The following VWA5A variants were observed in gnomAD, a reference collection of about 807,000 sequenced individuals.
VWA5A encodes von Willebrand factor A domain containing 5A, also known as von Willebrand factor A domain-containing protein 5A.
A neutral mutation model predicts 84.6 loss-of-function variants in VWA5A; 77 were observed. The observed-to-expected ratio is 0.91, with a 90% CI of 0.76 to 1.10. The LOEUF (loss-of-function observed/expected upper bound fraction) is 1.10. Ranked by LOEUF, VWA5A falls within the 50% of genes least tolerant of loss-of-function variation. The pLI is 0.00. For missense variants in VWA5A, 973 were observed against 963.0 expected (o/e 1.01, Z -0.14); for synonymous variants, 334 against 350.1 (o/e 0.95, Z 0.51).
At chr11:124,116,743 G>A (rs1864836920) in intron 2 of VWA5A, 63 bp downstream of exon 2, 1 of 152,188 alleles carries the variant, frequency 6.6e-6, no homozygotes, top group South Asian at 2.1e-4. Flanking sequence ...GATATGGAAT[G>A]AAAAGCCTGA....
At chr11:124,130,369 G>T (rs1417703027) in intron 11 of VWA5A, among the ~76,000 whole-genome samples, 3 of 152,012 alleles carry the variant, frequency 2.0e-5, no homozygotes, top group African/African-American at 7.2e-5. Flanking sequence ...CCATTATTTT[G>T]CATTTGCTGA....
At chr11:124,118,734 T>G in intron 6 of VWA5A, 26 bp downstream of exon 6, 1 of 1,600,764 alleles carries the variant, frequency 6.2e-7, no homozygotes, top group African/African-American at 1.3e-5. Flanking sequence ...ATACTGCTAT[T>G]GTCAGTACCT....
At position 124,137,112 on chromosome 11, in the gene VWA5A, C is replaced by T. The variant is rs1194755436; in HGVS notation, c.1723C>T (p.Leu575Phe). ...AAGTGATAAAAAAGATGCATTGAAC[C>T]TTAGCCTTGAGTCTGGTGTCATAAG... Reference protein sequence around the residue: ...PASDKKDALNLSLESGVISSF... With the variant: ...PASDKKDALNFSLESGVISSF... The change falls in exon 15 of 19, where the codon CTT becomes TTT. Residue 575 changes from leucine (L) to phenylalanine (F), a missense_variant. Leu to Phe is a conservative substitution (Grantham distance 22, BLOSUM62 0). Transcript: ENST00000456829. The T allele has an allele frequency of 3.7e-6, 6 of 1,613,766 alleles. No homozygotes were observed. The African/African-American group carries it at 6.7e-5, about 18-fold the overall frequency.
chr11:124,136,250 G>A lies in VWA5A; in HGVS notation c.1481G>A (p.Gly494Asp). The A allele has an allele frequency of 6.2e-7, 1 of 1,614,136 alleles. No individual in the cohort carries two copies. Among genetic ancestry groups the A allele is most frequent in the Non-Finnish European group, 8.5e-7 (1 of 1,180,030 alleles). Reference protein sequence around the residue: ...LSPEQTVIFRGQRLISYAQLT... With the variant: ...LSPEQTVIFRDQRLISYAQLT... The stretch of plus-strand genomic sequence containing the variant: ...CCAGAACAGACTGTCATCTTTAGGG[G>A]TCAGAGATTAATCAGCTATGCCCAG... The change falls in exon 13 of 19, where the codon GGT becomes GAT. Residue 494 changes from glycine to aspartate, a missense_variant. Transcript: ENST00000456829.
chr11:124,138,155 A>G lies in VWA5A; in HGVS notation c.1879+887A>G, dbSNP rs528792951. On this transcript the variant is annotated intron_variant, in intron 15 of 18. Transcript: ENST00000456829. ...AAATAACAGAATTTTGTTCTTTTTT[A>G]TGGCTGAATAATGTTACATTGTGTA... 5.3e-5 allele frequency among the ~76,000 whole-genome samples: 8 copies of G among 152,290 alleles called. No individual in the cohort carries two copies. The East Asian group carries it at 1.5e-3, about 29-fold the overall frequency.
In VWA5A at chr11:124,124,265, C is replaced by T; in HGVS notation, c.1193C>T (p.Thr398Ile). The T allele has an allele frequency of 1.9e-6, 3 of 1,613,900 alleles. No individual in the cohort carries two copies. The highest frequency in any genetic ancestry group is 2.5e-6 in the Non-Finnish European group (3 of 1,179,940). ...TTTGTCTTTACAGATGGAGAAGTTACAGACACGTTTAGTGTAATTAAAGAA... is the reference window on the plus strand; with the variant it reads ...TTTGTCTTTACAGATGGAGAAGTTATAGACACGTTTAGTGTAATTAAAGAA... ...QLFVFTDGEVTDTFSVIKEVR... is the reference protein window; with the variant it reads ...QLFVFTDGEVIDTFSVIKEVR... Residue 398 changes from threonine (T) to isoleucine (I), a missense_variant, in exon 11 of 19, where the codon ACA (threonine) becomes ATA (isoleucine). Physicochemically the swap from Thr to Ile is moderately conservative, Grantham distance 89 (BLOSUM62 -1). Coordinates refer to ENST00000456829, the MANE Select transcript of VWA5A (RefSeq NM_001130142.2).
Position 124,118,997 on chromosome 11 carries a change from A to C in VWA5A, c.668A>C (p.Lys223Thr). Residue 223 changes from lysine (K) to threonine (T), a missense_variant, in exon 7 of 19, where the codon AAG (lysine) becomes ACG (threonine). Physicochemically the swap from Lys to Thr is moderately conservative, Grantham distance 78 (BLOSUM62 -1). Transcript: ENST00000456829. ...SAQVSLAAGHKFDRDVELLIY... is the reference protein window; with the variant it reads ...SAQVSLAAGHTFDRDVELLIY... ...CAGGTTTCCCTGGCTGCTGGACACA[A>C]GTTTGATCGGGACGTGGAACTCCTG... 1.9e-6 allele frequency: 3 copies of C among 1,614,166 alleles called. No homozygotes were observed.
intron 17 of VWA5A, 36 bp downstream of exon 17, chr11:124,142,608 TG>T: frequency 2.5e-6 from 4 of 1,612,256 alleles, no homozygotes; most frequent in Non-Finnish European, 3.4e-6. Flanking sequence ...TGTATGTTTT[TG>T]AGAGAGAGGT....
Position 124,145,952 on chromosome 11 carries a change from C to A in VWA5A, c.*7C>A. 6.3e-7 allele frequency: 1 copy of A among 1,579,232 alleles called. No individual in the cohort carries two copies. The highest frequency in any genetic ancestry group is 1.2e-5 in the South Asian group (1 of 86,748). ...TGCTATCTTTGCCTTTTGAAGATAC[C>A]ATCCAGAAAAAGAAGTGCCTTTAAT... On this transcript the variant is annotated 3_prime_UTR_variant, in exon 19 of 19. Coordinates refer to ENST00000456829, the MANE Select transcript of VWA5A (RefSeq NM_001130142.2).
rs540338269 is a variant in VWA5A at position 124,143,494 on chromosome 11, T to C, written c.2154+922T>C. 7.9e-5 allele frequency among the ~76,000 whole-genome samples: 12 copies of C among 152,316 alleles called. No homozygotes were observed. The South Asian group carries it at 1.0e-3, about 13-fold the overall frequency. Reference sequence around the variant, plus strand: ...ATGAGGAACTGAATTTTTAATTCAATAGAGGTGTGCTATGGTGGGAAATAC... The same window carrying C: ...ATGAGGAACTGAATTTTTAATTCAACAGAGGTGTGCTATGGTGGGAAATAC... On this transcript the variant is annotated intron_variant, in intron 17 of 18. Coordinates refer to ENST00000456829, the MANE Select transcript of VWA5A (RefSeq NM_001130142.2).
At chr11:124,128,011 G>A (rs781156075) in intron 11 of VWA5A, among the ~76,000 whole-genome samples, 24 of 152,182 alleles carry the variant, frequency 1.6e-4, no homozygotes, top group East Asian at 1.2e-3. Flanking sequence ...AAGTTCTTTC[G>A]TTTAGTTAGA....
intron 14 of VWA5A, 145 bp from the exon 15 acceptor site, chr11:124,136,867 ATTT>A: frequency 8.2e-7 from 1 of 1,223,066 alleles, no homozygotes; most frequent in Non-Finnish European, 1.1e-6. Context: ...TCCTACAATC[ATTT>A]TTTATTTCTA....
intron 8 of VWA5A, 60 bp from the exon 9 acceptor site, chr11:124,123,306 G>A: frequency 6.5e-7 from 1 of 1,544,688 alleles, no homozygotes; most frequent in Non-Finnish European, 8.9e-7. Context: ...TCGATTGACA[G>A]GGCCCATGTG....
At chr11:124,131,040 A>G (rs868214352) in intron 11 of VWA5A, among the ~76,000 whole-genome samples, 1 of 152,140 alleles carries the variant, frequency 6.6e-6, no homozygotes, top group Middle Eastern at 3.4e-3. Context: ...CAAAATCAGT[A>G]AACATACTCA....
Position 124,136,206 on chromosome 11 carries a change from G to A in VWA5A, c.1437G>A (p.Leu479=). ...TGAGCTGGCATTTGCCTCCTGGTCTGTCTGCTAAAATGCTTTCCCCAGAAC... is the reference window on the plus strand; with the variant it reads ...TGAGCTGGCATTTGCCTCCTGGTCTATCTGCTAAAATGCTTTCCCCAGAAC... ...VSLSWHLPPG[L]SAKMLSPEQT... is the part of the protein sequence containing the mutation. The change falls in exon 13 of 19, where the codon CTG becomes CTA. Residue 479 remains leucine (L), a synonymous_variant. Coordinates refer to ENST00000456829, the MANE Select transcript of VWA5A (RefSeq NM_001130142.2). 6.2e-7 allele frequency: 1 copy of A among 1,614,198 alleles called. No homozygotes were observed. Among genetic ancestry groups the A allele is most frequent in the Non-Finnish European group, 8.5e-7 (1 of 1,180,038 alleles).
At chr11:124,141,571 A>G in intron 15 of VWA5A, 27 bp from the exon 16 acceptor site, 2 of 1,612,698 alleles carry the variant, frequency 1.2e-6, no homozygotes, top group Non-Finnish European at 8.5e-7. Context: ...AGGGAGTGCC[A>G]CTGTCTTAAT....
rs573117671 is a variant in VWA5A, at chr11:124,137,389, A to T, written c.1879+121A>T. On this transcript the variant is annotated intron_variant, in intron 15 of 18. Coordinates refer to ENST00000456829, the MANE Select transcript of VWA5A (RefSeq NM_001130142.2). ...ATTGCTTTGTTTTCCTTATACCTCC[A>T]CATCTAGGATTTCTGGTTAGTGTTA... 1.7e-3 allele frequency: 2,222 copies of T among 1,309,918 alleles called. 8 individuals are homozygous for T. Among genetic ancestry groups the T allele is most frequent in the Middle Eastern group, 6.0e-3 (22 of 3,682 alleles). The allele number at this position is 1,309,918 out of a possible 1,614,324, so 81.1% of individuals were successfully genotyped here.
chr11:124,132,761 G>A (rs1272407296), intron 11 of VWA5A, among the ~76,000 whole-genome samples: 4 of 151,940 alleles, frequency 2.6e-5, no homozygotes, highest in Admixed American at 6.6e-5. Flanking sequence ...ATATCTGCTC[G>A]AATCTATCTT....
intron 11 of VWA5A, among the ~76,000 whole-genome samples, chr11:124,130,107 G>A (rs1278801709): frequency 6.6e-6 from 1 of 152,086 alleles, no homozygotes; most frequent in Admixed American, 6.5e-5. Context: ...GCTTTGTTCT[G>A]TGGGCATTTA....
Sources: gnomAD v4.1 joint callset for allele counts (sites outside exome capture counted in the v4.1 genomes callset) on GRCh38, gnomAD v4.1.1 for gene constraint, MANE v1.5 for transcripts, NCBI Gene and HGNC (gene_info 2026-07-23, HGNC 2026-07-21) for gene names.